DGKB: variants seen among roughly 807,000 people sequenced by gnomAD.
The protein encoded by DGKB is diacylglycerol kinase beta, also known as 90 kDa diacylglycerol kinase.
DGKB carries 67 observed loss-of-function variants against 114.3 expected under a neutral mutation model. That is an observed-to-expected ratio of 0.59 (90% confidence interval 0.48 to 0.72). The LOEUF (loss-of-function observed/expected upper bound fraction) is 0.72, where lower values mean the gene tolerates loss of function less well. DGKB is among the 30% of genes least tolerant of loss of function. DGKB has a pLI of 0.00. For missense variants in DGKB, 907 were observed against 975.2 expected (o/e 0.93, Z 0.93); for synonymous variants, 398 against 323.1 (o/e 1.23, Z -2.49).
At chr7:14,877,504 G>A (rs915605212) in intron 1 of DGKB, among the ~76,000 whole-genome samples, 11 of 152,178 alleles carry the variant, frequency 7.2e-5, no homozygotes, top group Non-Finnish European at 5.9e-5. Context: ...GCAGTGAGCT[G>A]AGATAGCGCC....
At chr7:14,309,977 C>A (rs1396118741) in intron 23 of DGKB, among the ~76,000 whole-genome samples, 3 of 152,072 alleles carry the variant, frequency 2.0e-5, no homozygotes, top group Non-Finnish European at 1.5e-5. Flanking sequence ...GATTTAAAAT[C>A]CTGGCACATA....
At chr7:14,193,679 A>G (rs946317325) in intron 23 of DGKB, among the ~76,000 whole-genome samples, 2 of 152,220 alleles carry the variant, frequency 1.3e-5, no homozygotes, top group African/African-American at 4.8e-5. Flanking sequence ...AGACAACGAA[A>G]GCAAAAAGAG....
At chr7:14,562,122 C>T (rs552748302) in intron 20 of DGKB, among the ~76,000 whole-genome samples, 1 of 152,322 alleles carries the variant, frequency 6.6e-6, no homozygotes, top group South Asian at 2.1e-4. Flanking sequence ...CCAGAGGGTG[C>T]AAGCCCCAAG....
chr7:14,479,487 A>T (rs2128908435), intron 20 of DGKB, among the ~76,000 whole-genome samples: 1 of 152,282 alleles, frequency 6.6e-6, no homozygotes, highest in Admixed American at 6.5e-5. Context: ...ATAGAGGTGT[A>T]TAGAAACAAT....
At chr7:14,969,640 T>C (rs933107487) in intron 1 of DGKB, among the ~76,000 whole-genome samples, 5 of 152,138 alleles carry the variant, frequency 3.3e-5, no homozygotes, top group Non-Finnish European at 7.3e-5. Context: ...CGTTGTGTGC[T>C]CGTTATGAGA....
At chr7:14,485,388 G>A (rs1783650037) in intron 20 of DGKB, among the ~76,000 whole-genome samples, 1 of 151,758 alleles carries the variant, frequency 6.6e-6, no homozygotes, top group African/African-American at 2.4e-5. Context: ...TTTGCCTGCT[G>A]TGAATACTTC....
chr7:14,741,173 C>T (rs574675693), intron 4 of DGKB, among the ~76,000 whole-genome samples: 1 of 152,270 alleles, frequency 6.6e-6, no homozygotes, highest in Admixed American at 6.5e-5. Context: ...ATTTCTCAAC[C>T]CTTAAACTGG....
At chr7:14,524,390 C>A (rs76442608) in intron 20 of DGKB, among the ~76,000 whole-genome samples, 1 of 152,160 alleles carries the variant, frequency 6.6e-6, no homozygotes, top group African/African-American at 2.4e-5. Context: ...AACTATCCCC[C>A]GTCTCTTGGG....
At chr7:14,305,920 T>C (rs988946806) in intron 23 of DGKB, among the ~76,000 whole-genome samples, 2 of 152,154 alleles carry the variant, frequency 1.3e-5, no homozygotes, top group African/African-American at 4.8e-5. Flanking sequence ...AAGATTAATG[T>C]TGGTTAGCAT....
At chr7:14,836,222 C>T (rs1388279208) in intron 2 of DGKB, among the ~76,000 whole-genome samples, 4 of 152,172 alleles carry the variant, frequency 2.6e-5, no homozygotes, top group Non-Finnish European at 5.9e-5. Context: ...AAACTGCACA[C>T]CAGGTCCAAA....
chr7:14,768,438 C>T (rs1836796256), intron 2 of DGKB, among the ~76,000 whole-genome samples: 1 of 151,936 alleles, frequency 6.6e-6, no homozygotes, highest in South Asian at 2.1e-4. Flanking sequence ...ACAGCATTCT[C>T]TGATTCTATG....
At chr7:14,794,596 G>C (rs1033104714) in intron 2 of DGKB, among the ~76,000 whole-genome samples, 1 of 152,128 alleles carries the variant, frequency 6.6e-6, no homozygotes, top group Non-Finnish European at 1.5e-5. Context: ...CTGAAGTATA[G>C]CCTTATCTCC....
intron 13 of DGKB, among the ~76,000 whole-genome samples, chr7:14,634,071 A>G (rs1810265573): frequency 6.6e-6 from 1 of 151,466 alleles, no homozygotes; most frequent in African/African-American, 2.4e-5. Context: ...ACTCACATTA[A>G]AAGGGTCATT....
intron 6 of DGKB, among the ~76,000 whole-genome samples, chr7:14,717,529 C>A (rs560459120): frequency 6.4e-4 from 98 of 152,100 alleles, no homozygotes; most frequent in Non-Finnish European, 1.3e-3. Context: ...ATGGTTTATT[C>A]ATAACCTAAG....
chr7:14,827,746 A>C (rs1447792657), intron 2 of DGKB, among the ~76,000 whole-genome samples: 1 of 152,086 alleles, frequency 6.6e-6, no homozygotes, highest in Non-Finnish European at 1.5e-5. Flanking sequence ...GGTCTACATA[A>C]TATCTGGGTA....
At chr7:14,782,303 G>A (rs965940431) in intron 2 of DGKB, among the ~76,000 whole-genome samples, 2 of 152,118 alleles carry the variant, frequency 1.3e-5, no homozygotes, top group East Asian at 1.9e-4. Context: ...TGGGATTACA[G>A]GTGTGAGCCA....
chr7:14,571,674 G>A (rs1372617846), intron 20 of DGKB, among the ~76,000 whole-genome samples: 5 of 152,276 alleles, frequency 3.3e-5, no homozygotes, highest in South Asian at 4.1e-4. Context: ...GTACATGAGC[G>A]GAAGAGACGA....
At chr7:14,628,326 G>C (rs1054141824) in intron 14 of DGKB, among the ~76,000 whole-genome samples, 1 of 95,066 alleles carries the variant, frequency 1.1e-5, no homozygotes, top group Admixed American at 9.4e-5. Context: ...TGTGTGTGTG[G>C]TGTGTATGAG....
intron 1 of DGKB, among the ~76,000 whole-genome samples, chr7:14,849,855 A>G (rs1849114337): frequency 6.6e-6 from 1 of 152,172 alleles, no homozygotes; most frequent in African/African-American, 2.4e-5. Flanking sequence ...ACAAGGATAA[A>G]GGGAGGATCT....
Sources: gnomAD v4.1 joint callset for allele counts (sites outside exome capture counted in the v4.1 genomes callset) on GRCh38, gnomAD v4.1.1 for gene constraint, MANE v1.5 for transcripts, NCBI Gene and HGNC (gene_info 2026-07-23, HGNC 2026-07-21) for gene names.